The following LCLAT1 variants were observed in gnomAD, a reference collection of about 807,000 sequenced individuals.
LCLAT1 encodes lysocardiolipin acyltransferase 1.
In LCLAT1, 11 loss-of-function variants were observed where a neutral mutation model predicts 30.7. That is an observed-to-expected ratio of 0.36 (90% CI 0.23 to 0.59). The LOEUF (loss-of-function observed/expected upper bound fraction) is 0.59, where lower values mean the gene tolerates loss of function less well. Among genes scored for constraint, LCLAT1 ranks in the 20% least tolerant of loss-of-function variants. The pLI, the probability that LCLAT1 is intolerant of heterozygous loss-of-function variation, is 0.77. For missense variants in LCLAT1, 402 were observed against 458.6 expected, an observed-to-expected ratio of 0.88 and a Z score of 1.13; for synonymous variants, 155 against 151.3, an observed-to-expected ratio of 1.02 and a Z score of -0.18.
intron 1 of LCLAT1, among the ~76,000 whole-genome samples, chr2:30,450,990 T>C (rs1173694395): frequency 6.6e-6 from 1 of 152,162 alleles, no homozygotes; most frequent in African/African-American, 2.4e-5. Context: ...CGTGTGTGTG[T>C]GTTTATTTGT....
At chr2:30,618,145 A>C (rs983904022) in intron 5 of LCLAT1, among the ~76,000 whole-genome samples, 2 of 152,156 alleles carry the variant, frequency 1.3e-5, no homozygotes, top group African/African-American at 4.8e-5. Context: ...CTCCTCCAGT[A>C]CAATATTGTC....
intron 1 of LCLAT1, among the ~76,000 whole-genome samples, chr2:30,469,757 T>C (rs1341896276): frequency 1.3e-5 from 2 of 151,990 alleles, no homozygotes; most frequent in Non-Finnish European, 2.9e-5. Flanking sequence ...ACTACAGGCA[T>C]GTGCCACCTG....
At chr2:30,473,302 C>T (rs1024979850) in intron 1 of LCLAT1, among the ~76,000 whole-genome samples, 2 of 151,860 alleles carry the variant, frequency 1.3e-5, no homozygotes, top group African/African-American at 2.4e-5. Flanking sequence ...ACAAGGAGGG[C>T]GGGTTGTATG....
intron 1 of LCLAT1, among the ~76,000 whole-genome samples, chr2:30,455,848 T>C (rs1330013772): frequency 1.4e-5 from 2 of 138,592 alleles, no homozygotes; most frequent in Non-Finnish European, 3.0e-5. Flanking sequence ...AGGTTGAGGC[T>C]GCAGTGAGCT....
chr2:30,512,682 T>G (rs1684996309), intron 1 of LCLAT1, among the ~76,000 whole-genome samples: 1 of 152,222 alleles, frequency 6.6e-6, no homozygotes, highest in Admixed American at 6.5e-5. Flanking sequence ...AAAAATGGGA[T>G]CATGCCATCT....
chr2:30,637,325 G>T (rs1018841505), intron 5 of LCLAT1, among the ~76,000 whole-genome samples: 3 of 147,012 alleles, frequency 2.0e-5, no homozygotes, highest in African/African-American at 5.0e-5. Flanking sequence ...AAGATTGCTG[G>T]TTTTTTTTTT....
intron 1 of LCLAT1, among the ~76,000 whole-genome samples, chr2:30,478,571 A>T (rs1047223873): frequency 7.2e-5 from 11 of 152,104 alleles, no homozygotes; most frequent in African/African-American, 1.9e-4. Flanking sequence ...CCTAGTACTT[A>T]GGAGGCTGAG....
intron 1 of LCLAT1, among the ~76,000 whole-genome samples, chr2:30,452,205 G>A (rs1681585744): frequency 1.3e-5 from 2 of 152,042 alleles, no homozygotes; most frequent in Non-Finnish European, 2.9e-5. Context: ...TGAGGATTGT[G>A]CACTTTATTG....
intron 5 of LCLAT1, among the ~76,000 whole-genome samples, chr2:30,591,185 T>C (rs978033456): frequency 6.6e-6 from 1 of 152,178 alleles, no homozygotes; most frequent in Non-Finnish European, 1.5e-5. Context: ...CTAAGTGTTA[T>C]AGCTATTGAG....
chr2:30,615,255 G>A (rs912391086), intron 5 of LCLAT1, among the ~76,000 whole-genome samples: 1 of 151,960 alleles, frequency 6.6e-6, no homozygotes, highest in African/African-American at 2.4e-5. Context: ...ATAGGTGGAG[G>A]GATTGGCCCT....
chr2:30,489,183 CCCTCT>C (rs1260897585), intron 1 of LCLAT1: 121 of 152,264 alleles, frequency 7.9e-4, no homozygotes, highest in African/African-American at 2.8e-3. Context: ...AGCAGCATTC[CCCTCT>C]CCACCATTGT....
chr2:30,469,080 T>A (rs890003831), intron 1 of LCLAT1, among the ~76,000 whole-genome samples: 3 of 152,238 alleles, frequency 2.0e-5, no homozygotes, highest in Admixed American at 6.5e-5. Context: ...TCAAGTCCTT[T>A]ACTCATTTAA....
chr2:30,582,093 A>G (rs1251885395), intron 5 of LCLAT1, among the ~76,000 whole-genome samples: 1 of 152,160 alleles, frequency 6.6e-6, no homozygotes, highest in East Asian at 1.9e-4. Context: ...TTTTTCCTCT[A>G]TACTAGAGTG....
chr2:30,521,492 CTTTTTTTTTTTT>C (rs869093721), intron 1 of LCLAT1, among the ~76,000 whole-genome samples: 6 of 16,816 alleles, frequency 3.6e-4, no homozygotes, highest in Non-Finnish European at 5.6e-4. Context: ...ACTACTTCTT[CTTTTTTTTTTTT>C]TTTTTTTTTT....
chr2:30,577,147 G>T (rs376348771), intron 5 of LCLAT1, among the ~76,000 whole-genome samples: 1 of 113,560 alleles, frequency 8.8e-6, no homozygotes, highest in South Asian at 2.7e-4. Flanking sequence ...TGTCACATAG[G>T]CTCCCTATAC....
At chr2:30,599,681 AC>A (rs34451505) in intron 5 of LCLAT1, among the ~76,000 whole-genome samples, 108,215 of 151,970 alleles carry the variant, frequency 0.71, 38,673 homozygotes, top group African/African-American at 0.75. Flanking sequence ...GTTAAATTGA[AC>A]CCTTTATCAT....
At chr2:30,552,807 A>G (rs1202298773) in intron 3 of LCLAT1, among the ~76,000 whole-genome samples, 2 of 152,238 alleles carry the variant, frequency 1.3e-5, no homozygotes, top group East Asian at 3.8e-4. Context: ...TACTCAGTAA[A>G]TACAGTATTT....
chr2:30,575,675 G>A (rs10183928), intron 5 of LCLAT1, among the ~76,000 whole-genome samples: 133,434 of 152,168 alleles, frequency 0.88, 58,909 homozygotes, highest in African/African-American at 0.97. Flanking sequence ...GTATACTACT[G>A]GAAGAGAATT....
Position 30,640,699 on chromosome 2 carries a change from G to T in LCLAT1, c.*80G>T. 2.0e-6 allele frequency: 3 copies of T among 1,469,052 alleles called. No homozygotes were observed. The highest frequency in any genetic ancestry group is 2.7e-6 in the Non-Finnish European group (3 of 1,100,724). 91.0% of individuals were successfully genotyped at this position (1,469,052 alleles called of 1,614,324 possible). A position where few individuals can be genotyped will look rare whatever the true frequency, so the allele number is the denominator to read the frequency against. ...CCTTTCTAAGCTCAGATGCATTTTT[G>T]CATGACTATGTCGAATATTTCTTAC... On this transcript the variant is annotated 3_prime_UTR_variant, in exon 6 of 6. Coordinates refer to ENST00000379509, the MANE Select transcript of LCLAT1 (RefSeq NM_001002257.3).
Sources: gnomAD v4.1 joint callset for allele counts (sites outside exome capture counted in the v4.1 genomes callset) on GRCh38, gnomAD v4.1.1 for gene constraint, MANE v1.5 for transcripts, NCBI Gene and HGNC (gene_info 2026-07-23, HGNC 2026-07-21) for gene names.